CYSLTR2: variants seen among roughly 807,000 people sequenced by gnomAD.
CYSLTR2 encodes the protein cysteinyl leukotriene receptor 2, also known as G-protein coupled receptor GPCR21.
For synonymous variants in CYSLTR2, 179 were observed against 160.8 expected, an observed-to-expected ratio of 1.11 and a Z score of -0.86; for missense variants, 398 against 411.9, an observed-to-expected ratio of 0.97 and a Z score of 0.29.
chr13:48,680,544 A>G (rs1027415722), intron 1 of CYSLTR2, among the ~76,000 whole-genome samples: 8 of 152,164 alleles, frequency 5.3e-5, no homozygotes, highest in African/African-American at 1.9e-4. Flanking sequence ...TTTAATTACC[A>G]GCAAAGCTGC....
intron 1 of CYSLTR2, among the ~76,000 whole-genome samples, chr13:48,655,791 T>C (rs1174025643): frequency 1.3e-5 from 2 of 152,208 alleles, no homozygotes; most frequent in Non-Finnish European, 2.9e-5. Context: ...CAAGAGAACA[T>C]AGGATCTTTC....
At chr13:48,668,328 A>G (rs1172943995) in intron 1 of CYSLTR2, among the ~76,000 whole-genome samples, 1 of 152,018 alleles carries the variant, frequency 6.6e-6, no homozygotes, top group Non-Finnish European at 1.5e-5. Flanking sequence ...TTGGATTGGC[A>G]AGAGTTAGGC....
intron 1 of CYSLTR2, among the ~76,000 whole-genome samples, chr13:48,667,875 T>G (rs1953306839): frequency 6.6e-6 from 1 of 152,138 alleles, no homozygotes; most frequent in Admixed American, 6.5e-5. Context: ...TAGGAGCCTC[T>G]TAGTGTGGAG....
At chr13:48,657,301 C>G (rs116697635) in intron 1 of CYSLTR2, among the ~76,000 whole-genome samples, 2 of 152,218 alleles carry the variant, frequency 1.3e-5, no homozygotes, top group Admixed American at 1.3e-4. Context: ...AGTTATTATT[C>G]GAGAGGCCCA....
rs117876475 is a variant in CYSLTR2 at position 48,688,706 on chromosome 13, T to C, written c.-265-2506T>C. 4.4e-3 allele frequency among the ~76,000 whole-genome samples: 670 copies of C among 152,314 alleles called. 3 individuals are homozygous for C. Among genetic ancestry groups the C allele is most frequent in the Middle Eastern group, 0.014 (4 of 294 alleles). ...AAGTCTTTGCTATTTTGAGTAGTGC[T>C]TCAATAAACATACTTGTGAATGTGT... is the stretch of plus-strand genomic sequence containing the variant. On this transcript the variant is annotated intron_variant, in intron 1 of 4. Transcript: ENST00000682523.
Position 48,663,549 on chromosome 13 carries a change from C to T in CYSLTR2, c.-266+9532C>T, listed in dbSNP as rs556983418. Reference sequence around the variant, plus strand: ...TGTAGTTTTCCTTGTAGAGGTCTTTCACCTCCTTGGTTACATTTCTTCCTA... The same window carrying T: ...TGTAGTTTTCCTTGTAGAGGTCTTTTACCTCCTTGGTTACATTTCTTCCTA... On this transcript the variant is annotated intron_variant, in intron 1 of 4. Coordinates refer to ENST00000682523, the MANE Select transcript of CYSLTR2 (RefSeq NM_001308476.3). Among the ~76,000 whole-genome samples the T allele has an allele frequency of 6.6e-5, 10 of 152,152 alleles. No homozygotes were observed. In the South Asian group the frequency reaches 2.1e-3, roughly 32 times the overall value.
intron 4 of CYSLTR2, among the ~76,000 whole-genome samples, chr13:48,697,881 C>T (rs1313370378): frequency 6.6e-6 from 1 of 152,138 alleles, no homozygotes; most frequent in Non-Finnish European, 1.5e-5. Flanking sequence ...GCACAAGCTT[C>T]AGTAGCTGAT....
chr13:48,702,623 T>C (rs1346040428), intron 4 of CYSLTR2, among the ~76,000 whole-genome samples: 1 of 152,232 alleles, frequency 6.6e-6, no homozygotes, highest in Non-Finnish European at 1.5e-5. Flanking sequence ...GGTCTGTTTC[T>C]GGGTTTCTAT....
At chr13:48,706,745 G>A (rs1954498357) in intron 4 of CYSLTR2, 72 bp from the exon 5 acceptor site, 3 of 1,212,730 alleles carry the variant, frequency 2.5e-6, no homozygotes, top group East Asian at 2.3e-5. Context: ...CTAGAGAGAT[G>A]TAATCAGTAA....
chr13:48,675,050 G>C (rs1194484142), intron 1 of CYSLTR2, among the ~76,000 whole-genome samples: 1 of 152,192 alleles, frequency 6.6e-6, no homozygotes, highest in Admixed American at 6.5e-5. Flanking sequence ...TCCTGTATGA[G>C]GTGTCTGTTG....
chr13:48,680,506 G>A (rs1055137922), intron 1 of CYSLTR2, among the ~76,000 whole-genome samples: 1 of 152,148 alleles, frequency 6.6e-6, no homozygotes, highest in African/African-American at 2.4e-5. Context: ...TCCATCTGCT[G>A]CTGCTGCTCC....
chr13:48,695,661 A>G (rs1472806733), intron 3 of CYSLTR2, among the ~76,000 whole-genome samples: 1 of 152,192 alleles, frequency 6.6e-6, no homozygotes, highest in Non-Finnish European at 1.5e-5. Context: ...AGGATGTTAT[A>G]TAAATGGGAT....
At position 48,706,994 on chromosome 13, in the gene CYSLTR2, C is replaced by CATAT; in HGVS notation, c.180_183dup (p.Val62IlefsTer8). The CATAT allele has an allele frequency of 6.2e-7, 1 of 1,614,052 alleles. No homozygotes were observed. The highest frequency in any genetic ancestry group is 1.1e-5 in the South Asian group (1 of 91,074). On this transcript the variant is annotated frameshift_variant, in exon 5 of 5. Coordinates refer to ENST00000682523, the MANE Select transcript of CYSLTR2 (RefSeq NM_001308476.3). LOFTEE classifies it low-confidence loss of function (END_TRUNC). ...GGGGAGTCTTGGGAAATGGGTTGTC[C>CATAT]ATATATGTTTTCCTGCAGCCTTATA...
intron 1 of CYSLTR2, among the ~76,000 whole-genome samples, chr13:48,661,154 A>G (rs1389353887): frequency 2.0e-5 from 3 of 151,562 alleles, no homozygotes; most frequent in African/African-American, 7.3e-5. Flanking sequence ...GTCTTGCTCT[A>G]TTGCCCAGGC....
intron 1 of CYSLTR2, among the ~76,000 whole-genome samples, chr13:48,672,150 G>C (rs1224852102): frequency 6.6e-6 from 1 of 151,998 alleles, no homozygotes; most frequent in East Asian, 1.9e-4. Flanking sequence ...ATTTTTTATT[G>C]TGTCTATTTG....
chr13:48,695,110 C>A, intron 3 of CYSLTR2, among the ~76,000 whole-genome samples: 1 of 112,750 alleles, frequency 8.9e-6, no homozygotes, highest in African/African-American at 3.6e-5. Flanking sequence ...AGTCTCACTC[C>A]ATCACCCAGG....
At chr13:48,681,748 G>T (rs940823750) in intron 1 of CYSLTR2, among the ~76,000 whole-genome samples, 12 of 152,214 alleles carry the variant, frequency 7.9e-5, no homozygotes, top group African/African-American at 2.9e-4. Flanking sequence ...GGAGTCCAGG[G>T]CTTGGTCCTG....
chr13:48,687,101 AC>A (rs1953912173), intron 1 of CYSLTR2, among the ~76,000 whole-genome samples: 1 of 152,098 alleles, frequency 6.6e-6, no homozygotes, highest in Admixed American at 6.5e-5. Flanking sequence ...CTGCCCTTTG[AC>A]ATTAGAACTC....
intron 4 of CYSLTR2, among the ~76,000 whole-genome samples, chr13:48,699,494 A>G (rs767745248): frequency 6.6e-6 from 1 of 152,240 alleles, no homozygotes; most frequent in Non-Finnish European, 1.5e-5. Context: ...ACAACACACC[A>G]GAATCTCTGG....
Sources: allele counts gnomAD v4.1 joint callset (sites outside exome capture counted in the v4.1 genomes callset), GRCh38; gene constraint gnomAD v4.1.1; transcripts MANE v1.5; gene names NCBI Gene and HGNC (gene_info 2026-07-23, HGNC 2026-07-21).